The following SPIN1 variants were observed in gnomAD, a reference collection of about 807,000 sequenced individuals.
SPIN1 encodes spindlin 1.
Under a neutral mutation model 26.0 loss-of-function variants are expected in SPIN1, and 3 were observed. The ratio of observed to expected loss-of-function variants is 0.12; its 90% CI spans 0.05 to 0.30. SPIN1 has a LOEUF of 0.30. SPIN1 is among the 10% of genes least tolerant of loss of function. The pLI, the probability that SPIN1 is intolerant of heterozygous loss-of-function variation, is 1.00. For missense variants in SPIN1, 126 were observed against 333.4 expected (o/e 0.38, Z 4.84); for synonymous variants, 101 against 116.5 (o/e 0.87, Z 0.86).
At chr9:88,456,510 A>G (rs1587810535) in intron 3 of SPIN1, among the ~76,000 whole-genome samples, 1 of 152,216 alleles carries the variant, frequency 6.6e-6, no homozygotes, top group African/African-American at 2.4e-5. Flanking sequence ...AAGAAAATTG[A>G]TTGTACAGAA....
intron 3 of SPIN1, among the ~76,000 whole-genome samples, chr9:88,458,478 A>G (rs1479581413): frequency 6.6e-6 from 1 of 152,196 alleles, no homozygotes; most frequent in Non-Finnish European, 1.5e-5. Flanking sequence ...GGAGGTGTCT[A>G]GTATGAAAAC....
chr9:88,405,841 T>A (rs1827290485), intron 1 of SPIN1, among the ~76,000 whole-genome samples: 1 of 151,912 alleles, frequency 6.6e-6, no homozygotes, highest in Non-Finnish European at 1.5e-5. Flanking sequence ...ATTATAATTT[T>A]TTTTGTTTGT....
chr9:88,472,032 G>C (rs1168579295), intron 5 of SPIN1, among the ~76,000 whole-genome samples: 4 of 151,974 alleles, frequency 2.6e-5, no homozygotes, highest in Admixed American at 6.6e-5. Flanking sequence ...CTCCTGGGGT[G>C]AAGTGATCTG....
intron 4 of SPIN1, among the ~76,000 whole-genome samples, chr9:88,463,806 A>T (rs1828613815): frequency 6.6e-6 from 1 of 152,164 alleles, no homozygotes; most frequent in South Asian, 2.1e-4. Flanking sequence ...TATTTTCAAC[A>T]TTCTCATCTA....
intron 3 of SPIN1, among the ~76,000 whole-genome samples, chr9:88,451,932 G>A (rs546531078): frequency 2.9e-3 from 447 of 152,158 alleles, no homozygotes; most frequent in African/African-American, 0.01. Flanking sequence ...GTGGTTCTTC[G>A]TTTCAGTTTT....
chr9:88,458,493 T>C (rs1828517005), intron 3 of SPIN1, among the ~76,000 whole-genome samples: 1 of 152,144 alleles, frequency 6.6e-6, no homozygotes, highest in South Asian at 2.1e-4. Flanking sequence ...GAAAACTGCT[T>C]ATTTTGAAAT....
chr9:88,464,358 C>T (rs916399266), intron 4 of SPIN1, among the ~76,000 whole-genome samples: 5 of 152,154 alleles, frequency 3.3e-5, no homozygotes, highest in African/African-American at 9.7e-5. Context: ...TCTTCACTTA[C>T]GTTTTACGTC....
chr9:88,439,139 G>A (rs1274639514), intron 2 of SPIN1, among the ~76,000 whole-genome samples: 3 of 152,190 alleles, frequency 2.0e-5, no homozygotes, highest in Non-Finnish European at 4.4e-5. Flanking sequence ...TGTTGTTGCT[G>A]TTAATAGCTG....
At chr9:88,454,890 A>G (rs1213766854) in intron 3 of SPIN1, among the ~76,000 whole-genome samples, 1 of 152,192 alleles carries the variant, frequency 6.6e-6, no homozygotes. Flanking sequence ...CAATTAGTAT[A>G]TTATTCTAAT....
intron 2 of SPIN1, among the ~76,000 whole-genome samples, chr9:88,444,273 C>T (rs1200006014): frequency 7.3e-6 from 1 of 136,082 alleles, no homozygotes; most frequent in Non-Finnish European, 1.5e-5. Context: ...CAGAGTCTCG[C>T]TCTGTCGCTT....
intron 3 of SPIN1, among the ~76,000 whole-genome samples, chr9:88,454,616 T>C (rs1397089838): frequency 6.6e-6 from 1 of 152,236 alleles, no homozygotes; most frequent in Non-Finnish European, 1.5e-5. Flanking sequence ...CATAAAAATA[T>C]AGAGTAGTGT....
chr9:88,438,747 A>T (rs917971326), intron 2 of SPIN1, among the ~76,000 whole-genome samples: 1 of 152,210 alleles, frequency 6.6e-6, no homozygotes. Flanking sequence ...AAATACTTCA[A>T]CATCTGAAAC....
rs1332966593 is a variant in SPIN1, at chr9:88,476,881, C to T, written c.*1604C>T. 1 of 152,212 alleles carries T rather than the reference C, an allele frequency of 6.6e-6. No homozygotes were observed. Among genetic ancestry groups the T allele is most frequent in the Non-Finnish European group, 1.5e-5 (1 of 68,066 alleles). The allele number at this position is 152,212 out of a possible 1,614,324, so 9.4% of individuals were successfully genotyped here. On this transcript the variant is annotated 3_prime_UTR_variant, in exon 6 of 6. Coordinates refer to ENST00000375859, the MANE Select transcript of SPIN1 (RefSeq NM_006717.3). Reference sequence around the variant, plus strand: ...TCACTCAAACACCAGAAGTTTGAATCAGAGGTCTGAGTGACCTCTTTTGTG... The same window carrying T: ...TCACTCAAACACCAGAAGTTTGAATTAGAGGTCTGAGTGACCTCTTTTGTG...
intron 1 of SPIN1, among the ~76,000 whole-genome samples, chr9:88,398,606 G>A (rs1234601318): frequency 1.3e-5 from 2 of 151,714 alleles, no homozygotes; most frequent in African/African-American, 2.4e-5. Flanking sequence ...ACAGAGTTTC[G>A]CTCTTGTTGC....
intron 4 of SPIN1, among the ~76,000 whole-genome samples, chr9:88,464,201 T>A (rs1828618774): frequency 6.6e-6 from 1 of 152,234 alleles, no homozygotes; most frequent in Non-Finnish European, 1.5e-5. Flanking sequence ...ATATGCCTAA[T>A]TCAGCTAATA....
intron 4 of SPIN1, 129 bp from the exon 5 acceptor site, chr9:88,468,243 A>T (rs757234225): frequency 8.6e-6 from 5 of 579,914 alleles, no homozygotes; most frequent in Non-Finnish European, 1.4e-5. Flanking sequence ...GCTTTCCCAG[A>T]TTCTGATGCT....
chr9:88,467,849 AAAAAAAAAC>A (rs1754058479), intron 4 of SPIN1, among the ~76,000 whole-genome samples: 1 of 145,372 alleles, frequency 6.9e-6, no homozygotes, highest in Non-Finnish European at 1.5e-5. Flanking sequence ...TTTCTTTAAA[AAAAAAAAAC>A]AAAAAAAAAA....
At chr9:88,434,884 T>C (rs973097800) in intron 2 of SPIN1, among the ~76,000 whole-genome samples, 2 of 151,956 alleles carry the variant, frequency 1.3e-5, no homozygotes, top group Non-Finnish European at 2.9e-5. Flanking sequence ...AAACCTCACA[T>C]CTACTGAAAA....
chr9:88,397,424 T>C (rs1244812964), intron 1 of SPIN1, among the ~76,000 whole-genome samples: 1 of 152,088 alleles, frequency 6.6e-6, no homozygotes, highest in African/African-American at 2.4e-5. Flanking sequence ...CACCATATTC[T>C]CCACCAGGAA....
Sources: gnomAD v4.1 joint callset for allele counts (sites outside exome capture counted in the v4.1 genomes callset) on GRCh38, gnomAD v4.1.1 for gene constraint, MANE v1.5 for transcripts, NCBI Gene and HGNC (gene_info 2026-07-23, HGNC 2026-07-21) for gene names.